Variants in LARP1B observed in about 807,000 individuals in gnomAD.
The protein encoded by LARP1B is La ribonucleoprotein 1B.
In LARP1B, 76 loss-of-function variants were observed where a neutral mutation model predicts 114.2. The observed-to-expected ratio is 0.67, with a 90% CI of 0.55 to 0.81. The LOEUF (loss-of-function observed/expected upper bound fraction) is 0.81, where lower values mean the gene tolerates loss of function less well. Ranked by LOEUF, LARP1B falls within the 30% of genes least tolerant of loss-of-function variation. The probability of loss-of-function intolerance (pLI) is 0.00; values close to 1 mark genes in which losing one functional copy is unlikely to be tolerated. For synonymous variants in LARP1B, 345 were observed against 348.0 expected (o/e 0.99, Z 0.10); for missense variants, 1,014 against 1,075.8 (o/e 0.94, Z 0.80).
At chr4:128,199,707 A>T in intron 16 of LARP1B, 108 bp downstream of exon 16, 1 of 482,464 alleles carries the variant, frequency 2.1e-6, no homozygotes, top group Non-Finnish European at 3.3e-6. Flanking sequence ...TTTTATTGTT[A>T]GACTATACAT....
intron 11 of LARP1B, chr4:128,156,171 C>G: frequency 6.2e-7 from 1 of 1,610,182 alleles, no homozygotes; most frequent in South Asian, 1.1e-5. Flanking sequence ...CATCCTCTGA[C>G]CCCCTTGGCT....
At chr4:128,090,731 A>G (rs1363995808) in intron 5 of LARP1B, among the ~76,000 whole-genome samples, 3 of 152,222 alleles carry the variant, frequency 2.0e-5, no homozygotes, top group Non-Finnish European at 2.9e-5. Context: ...CACAATCTTA[A>G]TAAAACTATC....
chr4:128,126,299 T>A (rs760213025), intron 11 of LARP1B, among the ~76,000 whole-genome samples: 22 of 152,008 alleles, frequency 1.4e-4, no homozygotes, highest in Non-Finnish European at 3.1e-4. Flanking sequence ...TTTTTTATGT[T>A]TTTTGTAGAG....
intron 12 of LARP1B, among the ~76,000 whole-genome samples, chr4:128,166,934 CT>C (rs1381999203): frequency 1.7e-4 from 5 of 28,888 alleles, no homozygotes; most frequent in African/African-American, 6.0e-4. Context: ...ATTCTATTCT[CT>C]CTCTCTCTCT....
chr4:128,123,505 A>G (rs188040524), intron 11 of LARP1B: 17 of 519,124 alleles, frequency 3.3e-5, no homozygotes, highest in East Asian at 1.5e-4. Context: ...ACCATAGCAT[A>G]TATCATTATC....
chr4:128,141,823 GGGTC>G (rs1358725321), intron 11 of LARP1B, among the ~76,000 whole-genome samples: 1 of 152,026 alleles, frequency 6.6e-6, no homozygotes, highest in African/African-American at 2.4e-5. Flanking sequence ...GGAATTATTG[GGGTC>G]CTTGAGCCTT....
intron 8 of LARP1B, among the ~76,000 whole-genome samples, chr4:128,100,649 C>A (rs1012087548): frequency 2.6e-5 from 4 of 152,038 alleles, no homozygotes; most frequent in Non-Finnish European, 5.9e-5. Flanking sequence ...GTCTGCATAC[C>A]TTATTAGTGG....
upstream of LARP1B, among the ~76,000 whole-genome samples, chr4:128,061,057 C>T (rs1270763215): frequency 6.6e-6 from 1 of 152,020 alleles, no homozygotes. Flanking sequence ...GCGCGCTCCG[C>T]CCCTGAGCCT....
At chr4:128,214,022 G>C (rs1461830977), downstream of LARP1B, among the ~76,000 whole-genome samples, 2 of 150,738 alleles carry the variant, frequency 1.3e-5, no homozygotes, top group Admixed American at 6.6e-5. Context: ...TTCCCTTTCC[G>C]AGTCAAAGAA....
chr4:128,185,023 T>C (rs924359831), intron 15 of LARP1B, among the ~76,000 whole-genome samples: 1 of 152,078 alleles, frequency 6.6e-6, no homozygotes, highest in Non-Finnish European at 1.5e-5. Flanking sequence ...CACATATACA[T>C]ACATGTACAT....
intron 9 of LARP1B, among the ~76,000 whole-genome samples, chr4:128,110,675 T>C (rs369822824): frequency 1.3e-3 from 1 of 752 alleles, no homozygotes; most frequent in Non-Finnish European, 2.5e-3. Flanking sequence ...AGACTCCGTC[T>C]CAAAAAAAAA....
chr4:128,206,998 T>C (rs531326612), intron 18 of LARP1B, among the ~76,000 whole-genome samples: 1 of 152,350 alleles, frequency 6.6e-6, no homozygotes, highest in Non-Finnish European at 1.5e-5. Context: ...GTAACATATA[T>C]GAGAACACCC....
chr4:128,080,085 A>G (rs895217266), intron 4 of LARP1B, among the ~76,000 whole-genome samples: 1 of 151,622 alleles, frequency 6.6e-6, no homozygotes, highest in Non-Finnish European at 1.5e-5. Context: ...CCTGGGTTGA[A>G]GCGATTCTCC....
chr4:128,107,764 G>T, intron 9 of LARP1B: 1 of 1,506,696 alleles, frequency 6.6e-7, no homozygotes, highest in Non-Finnish European at 8.8e-7. Context: ...TAGAATTGGG[G>T]TTCTGTTTAA....
At chr4:128,194,530 A>C (rs1270148521) in intron 15 of LARP1B, among the ~76,000 whole-genome samples, 1 of 151,732 alleles carries the variant, frequency 6.6e-6, no homozygotes, top group Non-Finnish European at 1.5e-5. Flanking sequence ...AAAATACACA[A>C]AAATTAGCCG....
intron 1 of LARP1B, among the ~76,000 whole-genome samples, chr4:128,063,262 A>G (rs1761021828): frequency 6.6e-6 from 1 of 150,842 alleles, no homozygotes; most frequent in African/African-American, 2.4e-5. Context: ...CCCCGTCTCT[A>G]CTAGAAATAC....
intron 7 of LARP1B, among the ~76,000 whole-genome samples, chr4:128,094,180 C>A (rs1054887691): frequency 6.6e-6 from 1 of 150,796 alleles, no homozygotes; most frequent in Non-Finnish European, 1.5e-5. Context: ...CGTCCTCGGC[C>A]TCCCAAAGTG....
chr4:128,073,685 G>A (rs1766622382), intron 1 of LARP1B, among the ~76,000 whole-genome samples: 1 of 125,466 alleles, frequency 8.0e-6, no homozygotes, highest in East Asian at 2.7e-4. Context: ...CCACCTCCCA[G>A]GTTCAAGCGA....
intron 10 of LARP1B, among the ~76,000 whole-genome samples, chr4:128,117,206 AT>A (rs70966078): frequency 2.3e-3 from 308 of 135,974 alleles, no homozygotes; most frequent in Middle Eastern, 8.4e-3. Flanking sequence ...CCGGCCTGAG[AT>A]TTTTTTTTTT....
Sources: allele counts gnomAD v4.1 joint callset (sites outside exome capture counted in the v4.1 genomes callset), GRCh38; gene constraint gnomAD v4.1.1; transcripts MANE v1.5; gene names NCBI Gene and HGNC (gene_info 2026-07-23, HGNC 2026-07-21).